RFX5: variants seen among roughly 807,000 people sequenced by gnomAD.
The protein encoded by RFX5 is DNA-binding protein RFX5.
RFX5 carries 30 observed loss-of-function variants against 41.2 expected under a neutral mutation model. That is an observed-to-expected ratio of 0.73 (90% CI 0.54 to 0.99). The LOEUF (loss-of-function observed/expected upper bound fraction) is 0.99, where lower values mean the gene tolerates loss of function less well. RFX5 is among the 50% of genes least tolerant of loss of function. The pLI is 0.00. For synonymous variants in RFX5, 231 were observed against 291.8 expected, an observed-to-expected ratio of 0.79 and a Z score of 2.12; for missense variants, 715 against 773.6, an observed-to-expected ratio of 0.92 and a Z score of 0.90.
rs762798581 is a variant in RFX5 at position 151,342,283 on chromosome 1, A to G, written c.1754T>C (p.Val585Ala). The G allele has an allele frequency of 1.1e-5, 18 of 1,613,830 alleles. No individual in the cohort carries two copies. In the South Asian group the frequency reaches 1.9e-4, roughly 17 times the overall value. Residue 585 changes from valine (V) to alanine (A), a missense_variant, in exon 11 of 11, where the codon GTA (valine) becomes GCA (alanine). Transcript: ENST00000452671. The stretch of plus-strand genomic sequence containing the variant: ...TTTATTACCCTGTGGTGCAGTGTCT[A>G]CCTCTCCCTTTGCCAAAGGAAAAGC... ...KEAFPLAKGEVDTAPQGNKDL... is the reference protein window; with the variant it reads ...KEAFPLAKGEADTAPQGNKDL...
At chr1:151,344,703 T>TCCCACCACCCCC in intron 6 of RFX5, 25 bp downstream of exon 6, 1 of 1,515,662 alleles carries the variant, frequency 6.6e-7, no homozygotes, top group Non-Finnish European at 8.9e-7. Flanking sequence ...AATCCACTCA[T>TCCCACCACCCCC]CCCACCACCC....
At position 151,343,412 on chromosome 1, in the gene RFX5, G is replaced by T; in HGVS notation, c.788C>A (p.Ser263Ter). 1.9e-6 allele frequency: 3 copies of T among 1,613,952 alleles called. No individual in the cohort carries two copies. In the South Asian group the frequency reaches 3.3e-5, roughly 18 times the overall value. ...CTCTAAACCATTCTTTGGTTTAGAT[G>T]ACCGTTCCCGAGGTGCATGTTCGTC... ...EEDEHAPRERSSKPKNGLENP... is the reference protein window; with the variant it reads ...EEDEHAPRER Residue 263 changes from serine (S) to a stop codon, truncating the protein, a stop_gained, in exon 10 of 11, where the codon TCA (serine) becomes TAA (stop). Coordinates refer to ENST00000452671, the MANE Select transcript of RFX5 (RefSeq NM_001025603.2). LOFTEE classifies it high-confidence loss of function.
At chr1:151,347,078 G>C (rs551643185) in intron 1 of RFX5, 133 bp downstream of exon 1, 1 of 152,568 alleles carries the variant, frequency 6.6e-6, no homozygotes, top group East Asian at 1.9e-4. Context: ...CGTGCACATG[G>C]GTGAAGAAGC....
At position 151,343,377 on chromosome 1, in the gene RFX5, C is replaced by T; in HGVS notation, c.823G>A (p.Gly275Ser). 6.2e-7 allele frequency: 1 copy of T among 1,613,634 alleles called. No homozygotes were observed. The highest frequency in any genetic ancestry group is 8.5e-7 in the Non-Finnish European group (1 of 1,180,012). The change falls in exon 10 of 11, where the codon GGT becomes AGT. Residue 275 changes from glycine (G) to serine (S), a missense_variant. By Grantham distance (56) the Gly-to-Ser change is moderately conservative. Coordinates refer to ENST00000452671, the MANE Select transcript of RFX5 (RefSeq NM_001025603.2). Reference protein sequence around the residue: ...KPKNGLENPEGGAHKKPERLA... With the variant: ...KPKNGLENPESGAHKKPERLA... The stretch of plus-strand genomic sequence containing the variant: ...CTCTCTGGCTTCTTGTGGGCTCCAC[C>T]CTCTGGGTTCTCTAAACCATTCTTT...
chr1:151,342,131 C>T lies in RFX5; in HGVS notation c.*55G>A, dbSNP rs1650492418. The T allele has an allele frequency of 2.5e-6, 4 of 1,612,928 alleles. No homozygotes were observed. In the East Asian group the frequency reaches 6.7e-5, roughly 27 times the overall value. ...ATGAGAAGCAAGTGCAAAGAAGGGC[C>T]TCTACTAGGCAAAGTTAACGTAGGG... is the stretch of plus-strand genomic sequence containing the variant. On this transcript the variant is annotated 3_prime_UTR_variant, in exon 11 of 11. Coordinates refer to ENST00000452671, the MANE Select transcript of RFX5 (RefSeq NM_001025603.2).
At chr1:151,345,576 C>G (rs1650950638) in intron 4 of RFX5, 1 of 353,744 alleles carries the variant, frequency 2.8e-6, no homozygotes, top group Non-Finnish European at 5.3e-6. Flanking sequence ...TGCGCCACTG[C>G]ACTCCAGCCT....
At position 151,346,257 on chromosome 1, in the gene RFX5, C is replaced by T. The variant is rs2233843; in HGVS notation, c.64G>A (p.Ala22Thr). ...KTGGRAPPGG[A>T]EAGEPTTLLQ... ...AGGGTGGTAGGTTCCCCAGCCTCAG[C>T]ACCACCTGGGGGGGCCCTTCCCCCA... is the stretch of plus-strand genomic sequence containing the variant. The change falls in exon 3 of 11, where the codon GCT becomes ACT. Residue 22 changes from alanine (A) to threonine (T), a missense_variant. Transcript: ENST00000452671. 4,993 of 1,614,166 alleles carry T rather than the reference C, an allele frequency of 3.1e-3. 133 individuals are homozygous for T. In the African/African-American group the frequency reaches 0.057, roughly 18 times the overall value.
chr1:151,344,544 A>G lies in RFX5; in HGVS notation c.354-8T>C, dbSNP rs775492114. The G allele has an allele frequency of 6.2e-7, 1 of 1,614,156 alleles. No homozygotes were observed. Among genetic ancestry groups the G allele is most frequent in the Non-Finnish European group, 8.5e-7 (1 of 1,180,028 alleles). On this transcript the variant is annotated splice_region_variant and splice_polypyrimidine_tract_variant and intron_variant, in intron 6 of 10. Coordinates refer to ENST00000452671, the MANE Select transcript of RFX5 (RefSeq NM_001025603.2). Reference sequence around the variant, plus strand: ...AGACTCTCACAGTACTTCCTGAGTGAGAGGGGAGCAGAGTGGGAAGATACT... The same window carrying G: ...AGACTCTCACAGTACTTCCTGAGTGGGAGGGGAGCAGAGTGGGAAGATACT...
In RFX5 at chr1:151,346,217, C is replaced by T. The variant is rs777257292; in HGVS notation, c.104G>A (p.Arg35Gln). 8.7e-6 allele frequency: 14 copies of T among 1,614,160 alleles called. No homozygotes were observed. Among genetic ancestry groups the T allele is most frequent in the South Asian group, 6.6e-5 (6 of 91,084 alleles). Residue 35 changes from arginine (R) to glutamine (Q), a missense_variant, in exon 3 of 11, where the codon CGA (arginine) becomes CAA (glutamine). Physicochemically the swap from Arg to Gln is conservative, Grantham distance 43. Coordinates refer to ENST00000452671, the MANE Select transcript of RFX5 (RefSeq NM_001025603.2). ...GEPTTLLQRL[R>Q]GTISKAVQNK... The stretch of plus-strand genomic sequence containing the variant: ...GATGAGTACTTACGAAATGGTACCT[C>T]GGAGCCTCTGAAGAAGGGTGGTAGG...
intron 6 of RFX5, 25 bp downstream of exon 6, chr1:151,344,703 T>TGCCAC: frequency 6.6e-7 from 1 of 1,515,666 alleles, no homozygotes; most frequent in Non-Finnish European, 8.9e-7. Context: ...AATCCACTCA[T>TGCCAC]CCCACCACCC....
rs1369233824 is a variant in RFX5 at position 151,341,860 on chromosome 1, T to C, written c.*326A>G. On this transcript the variant is annotated 3_prime_UTR_variant, in exon 11 of 11. Coordinates refer to ENST00000452671, the MANE Select transcript of RFX5 (RefSeq NM_001025603.2). ...CCTTTTTATTTTAAGCCAGTTTGAATTAGGTTTTCTGTGATTTAAAACCAA... is the reference window on the plus strand; with the variant it reads ...CCTTTTTATTTTAAGCCAGTTTGAACTAGGTTTTCTGTGATTTAAAACCAA... 4 of 466,672 alleles carry C rather than the reference T, an allele frequency of 8.6e-6. No homozygotes were observed. In the East Asian group the frequency reaches 1.9e-4, roughly 22 times the overall value. 28.9% of individuals were successfully genotyped at this position (466,672 alleles called of 1,614,324 possible).
At position 151,341,824 on chromosome 1, in the gene RFX5, A is replaced by G. The variant is rs1650462626; in HGVS notation, c.*362T>C. The G allele has an allele frequency of 5.2e-6, 2 of 387,742 alleles. No homozygotes were observed. Among genetic ancestry groups the G allele is most frequent in the Non-Finnish European group, 9.9e-6 (2 of 202,932 alleles). The allele number at this position is 387,742 out of a possible 1,614,324, so 24.0% of individuals were successfully genotyped here. ...TACCTATGGACTTTCTAGTTACATG[A>G]ACCAATAAATCCTTTTTATTTTAAG... On this transcript the variant is annotated 3_prime_UTR_variant, in exon 11 of 11. Coordinates refer to ENST00000452671, the MANE Select transcript of RFX5 (RefSeq NM_001025603.2).
At chr1:151,345,326 A>G in intron 4 of RFX5, 138 bp from the exon 5 acceptor site, 2 of 715,066 alleles carry the variant, frequency 2.8e-6, no homozygotes, top group Non-Finnish European at 4.9e-6. Context: ...ATTATTTGAC[A>G]AGGCCGGGCA....
chr1:151,345,937 C>A lies in RFX5; in HGVS notation c.141G>T (p.Glu47Asp). 6.2e-7 allele frequency: 1 copy of A among 1,614,196 alleles called. No homozygotes were observed. Among genetic ancestry groups the A allele is most frequent in the Non-Finnish European group, 8.5e-7 (1 of 1,180,030 alleles). ...TISKAVQNKV[E>D]GILQDVQKFS... ...TCCCCAACACACTTACCAGGATCCC[C>A]TCTACTTTGTTCTGCACGGCCTTGC... Residue 47 changes from glutamate to aspartate, a missense_variant, in exon 4 of 11, where the codon GAG (glutamate) becomes GAT (aspartate). Physicochemically the swap from Glu to Asp is conservative, Grantham distance 45 (BLOSUM62 2). Transcript: ENST00000452671.
intron 9 of RFX5, 112 bp from the exon 10 acceptor site, chr1:151,343,554 A>G (rs1170908112): frequency 2.1e-6 from 3 of 1,409,574 alleles, no homozygotes; most frequent in Non-Finnish European, 3.0e-6. Context: ...GGGGTGCTAA[A>G]GCATGTCTTA....
rs1235319638 is a variant in RFX5, at chr1:151,344,415, A to G, written c.473+2T>C. ...ACCCCCAACCTCTCTAGTCAAGGAT[A>G]CTTGGACTGGCCCCGGCCACCAAGC... On this transcript the variant is annotated splice_donor_variant, in intron 7 of 10. Transcript: ENST00000452671. LOFTEE classifies it high-confidence loss of function. 2 of 1,614,050 alleles carry G rather than the reference A, an allele frequency of 1.2e-6. No homozygotes were observed. The highest frequency in any genetic ancestry group is 1.7e-6 in the Non-Finnish European group (2 of 1,180,030).
rs922151130 is a variant in RFX5 at position 151,345,105 on chromosome 1, C to A, written c.233+1G>T. ...CCATCTAAAACTACTATCAAACCTA[C>A]CTTTTGTCTCCAGTGGTGGGTCCTG... On this transcript the variant is annotated splice_donor_variant, in intron 5 of 10. Transcript: ENST00000452671. LOFTEE classifies it high-confidence loss of function. 12 of 1,613,586 alleles carry A rather than the reference C, an allele frequency of 7.4e-6. No homozygotes were observed. Among genetic ancestry groups the A allele is most frequent in the African/African-American group, 2.7e-5 (2 of 74,914 alleles).
In RFX5 at chr1:151,346,337, G is replaced by A; in HGVS notation, c.-13-4C>T. On this transcript the variant is annotated splice_region_variant and splice_polypyrimidine_tract_variant and intron_variant, in intron 2 of 10. Transcript: ENST00000452671. ...TTCTGCCATCCCGGCATGAGGGCTA[G>A]AATTGAGAGGGACAGGCATAAAGAT... 1 of 1,608,790 alleles carries A rather than the reference G, an allele frequency of 6.2e-7. No homozygotes were observed. The highest frequency in any genetic ancestry group is 8.5e-7 in the Non-Finnish European group (1 of 1,175,454).
Position 151,341,651 on chromosome 1 carries a change from G to T in RFX5, c.*535C>A. On this transcript the variant is annotated 3_prime_UTR_variant, in exon 11 of 11. Transcript: ENST00000452671. ...TCTTTTTCTGATTGGACATAAATGG[G>T]GAAAAGTGTAATCTTAGGAATGCTG... 1 of 233,106 alleles carries T rather than the reference G, an allele frequency of 4.3e-6. No individual in the cohort carries two copies. The highest frequency in any genetic ancestry group is 8.6e-6 in the Non-Finnish European group (1 of 116,160). The allele number at this position is 233,106 out of a possible 1,614,324, so 14.4% of individuals were successfully genotyped here. A position where few individuals can be genotyped will look rare whatever the true frequency, so the allele number is the denominator to read the frequency against.
Sources: allele counts gnomAD v4.1 joint callset, GRCh38; gene constraint gnomAD v4.1.1; transcripts MANE v1.5; gene names NCBI Gene and HGNC (gene_info 2026-07-23, HGNC 2026-07-21).